KANSL1L: variants seen among roughly 807,000 people sequenced by gnomAD.
The protein encoded by KANSL1L is KAT8 regulatory NSL complex subunit 1-like protein.
Under a neutral mutation model 108.6 loss-of-function variants are expected in KANSL1L, and 25 were observed. The observed-to-expected ratio is 0.23, with a 90% CI of 0.17 to 0.32. KANSL1L has a LOEUF of 0.32. Ranked by LOEUF, KANSL1L falls within the 10% of genes least tolerant of loss-of-function variation. KANSL1L has a pLI of 1.00. For missense variants in KANSL1L, 1,137 were observed against 1,125.7 expected, an observed-to-expected ratio of 1.01 and a Z score of -0.14; for synonymous variants, 405 against 395.1, an observed-to-expected ratio of 1.03 and a Z score of -0.30.
rs752665616 is a variant in KANSL1L, at chr2:210,129,173, C to A, written c.1089-1G>T. 1.2e-6 allele frequency: 2 copies of A among 1,602,732 alleles called. No individual in the cohort carries two copies. Among genetic ancestry groups the A allele is most frequent in the Non-Finnish European group, 8.5e-7 (1 of 1,174,266 alleles). Reference sequence around the variant, plus strand: ...CCACTTCCATTCAGTACTACAGTTACTGTGAACAAAACAAACACTGTTACT... The same window carrying A: ...CCACTTCCATTCAGTACTACAGTTAATGTGAACAAAACAAACACTGTTACT... On this transcript the variant is annotated splice_acceptor_variant, in intron 2 of 14. Coordinates refer to ENST00000281772, the MANE Select transcript of KANSL1L (RefSeq NM_152519.4). LOFTEE classifies it high-confidence loss of function.
intron 6 of KANSL1L, among the ~76,000 whole-genome samples, chr2:210,049,625 G>T (rs1215051758): frequency 3.3e-5 from 5 of 152,090 alleles, no homozygotes; most frequent in Admixed American, 1.3e-4. Context: ...TCAATAAAAT[G>T]ATTTTGTTGG....
intron 3 of KANSL1L, among the ~76,000 whole-genome samples, chr2:210,111,322 T>A (rs763404670): frequency 6.6e-6 from 1 of 151,226 alleles, no homozygotes; most frequent in Admixed American, 6.6e-5. Context: ...AAAGAAAAAA[T>A]TACTTATATA....
intron 1 of KANSL1L, among the ~76,000 whole-genome samples, chr2:210,164,096 T>A (rs920746655): frequency 1.3e-5 from 2 of 152,160 alleles, no homozygotes; most frequent in Admixed American, 1.3e-4. Context: ...GACATATTTT[T>A]AAAAGAAACA....
chr2:210,028,696 G>A (rs1181065834), intron 11 of KANSL1L, 149 bp downstream of exon 11: 10 of 607,256 alleles, frequency 1.6e-5, no homozygotes, highest in South Asian at 2.2e-5. Flanking sequence ...CTTAAGGCAC[G>A]AGTAATTTTT....
intron 1 of KANSL1L, among the ~76,000 whole-genome samples, chr2:210,158,451 TGA>T (rs2095345128): frequency 6.6e-6 from 1 of 152,228 alleles, no homozygotes; most frequent in Admixed American, 6.5e-5. Flanking sequence ...AACAGCCTTA[TGA>T]GAGACCTTGA....
In KANSL1L at chr2:210,022,854, A is replaced by G. The variant is rs903574590; in HGVS notation, c.*95T>C. 2.5e-6 allele frequency: 2 copies of G among 807,858 alleles called. No homozygotes were observed. The highest frequency in any genetic ancestry group is 4.1e-6 in the Non-Finnish European group (2 of 491,750). The allele number at this position is 807,858 out of a possible 1,614,324, so 50.0% of individuals were successfully genotyped here. A position where few individuals can be genotyped will look rare whatever the true frequency, so the allele number is the denominator to read the frequency against. On this transcript the variant is annotated 3_prime_UTR_variant, in exon 15 of 15. Transcript: ENST00000281772. ...CATAAAAGATTAATACATGCAGAAC[A>G]TGCTCTTATTCTGGAGGGGATGGGG...
intron 1 of KANSL1L, among the ~76,000 whole-genome samples, chr2:210,168,897 T>G (rs1442371665): frequency 6.6e-6 from 1 of 152,160 alleles, no homozygotes; most frequent in Non-Finnish European, 1.5e-5. Flanking sequence ...GAGCACCCAC[T>G]AAGTGATCTG....
chr2:210,102,144 G>A (rs905663363), intron 4 of KANSL1L, among the ~76,000 whole-genome samples: 1 of 152,072 alleles, frequency 6.6e-6, no homozygotes, highest in South Asian at 2.1e-4. Flanking sequence ...TGTTCCACTG[G>A]TCTATATCTC....
intron 5 of KANSL1L, among the ~76,000 whole-genome samples, chr2:210,093,581 A>C (rs563439948): frequency 1.3e-5 from 2 of 152,314 alleles, no homozygotes; most frequent in South Asian, 4.1e-4. Context: ...TTAGCCTCAA[A>C]AAAAGCAGAC....
At chr2:210,043,072 C>G (rs970748022) in intron 7 of KANSL1L, among the ~76,000 whole-genome samples, 1 of 152,046 alleles carries the variant, frequency 6.6e-6, no homozygotes, top group Non-Finnish European at 1.5e-5. Flanking sequence ...CCAATATAGA[C>G]AAGAGTGTAA....
chr2:210,101,226 G>A (rs1315657441), intron 4 of KANSL1L, among the ~76,000 whole-genome samples: 1 of 152,102 alleles, frequency 6.6e-6, no homozygotes, highest in African/African-American at 2.4e-5. Context: ...TGTGCACCAG[G>A]CTGAGCGCAG....
At position 210,023,097 on chromosome 2, in the gene KANSL1L, T is replaced by C; in HGVS notation, c.2816A>G (p.Gln939Arg). 1 of 1,614,080 alleles carries C rather than the reference T, an allele frequency of 6.2e-7. No homozygotes were observed. The highest frequency in any genetic ancestry group is 8.5e-7 in the Non-Finnish European group (1 of 1,179,946). ...GAAAGCTGTGCTTGACCTTTCAACCTGATCCTTTTTTTCATCTTGACATAA... is the reference window on the plus strand; with the variant it reads ...GAAAGCTGTGCTTGACCTTTCAACCCGATCCTTTTTTTCATCTTGACATAA... ...ALLCQDEKKD[Q>R]VERSSTAFHG... Residue 939 changes from glutamine to arginine, a missense_variant, in exon 15 of 15, where the codon CAG (glutamine) becomes CGG (arginine). Physicochemically the swap from Gln to Arg is conservative, Grantham distance 43. Around this residue, in one of 3 missense-constraint regions of KANSL1L, gnomAD observed 575 missense variants for 567.1 expected, o/e 1.01. Coordinates refer to ENST00000281772, the MANE Select transcript of KANSL1L (RefSeq NM_152519.4).
Position 210,153,926 on chromosome 2 carries a change from T to C in KANSL1L, c.657A>G (p.Glu219=). ...VSSSAAEKEE[E]VHARLLHCVS... ...CACAATGAAGTAAACGAGCATGTAC[T>C]TCCTCCTCTTTTTCAGCAGCTGAAG... The change falls in exon 2 of 15, where the codon GAA becomes GAG. Residue 219 remains glutamate (E), a synonymous_variant. Transcript: ENST00000281772. 6.2e-7 allele frequency: 1 copy of C among 1,613,562 alleles called. No individual in the cohort carries two copies. The highest frequency in any genetic ancestry group is 1.3e-5 in the African/African-American group (1 of 75,048).
rs750386753 is a variant in KANSL1L at position 210,075,619 on chromosome 2, C to T, written c.1688G>A (p.Arg563Lys). 3.7e-6 allele frequency: 6 copies of T among 1,614,028 alleles called. No individual in the cohort carries two copies. The South Asian group carries it at 6.6e-5, about 18-fold the overall frequency. ...TCGTTTGTGGAAACTCTGAAGTGGCCTTGTTCGGGCTGATGTACTCATGAA... is the reference window on the plus strand; with the variant it reads ...TCGTTTGTGGAAACTCTGAAGTGGCTTTGTTCGGGCTGATGTACTCATGAA... ...LTFMSTSARTRPLQSFHKRKL... is the reference protein window; with the variant it reads ...LTFMSTSARTKPLQSFHKRKL... The change falls in exon 6 of 15, where the codon AGG (arginine) becomes AAG (lysine). Residue 563 changes from arginine to lysine, a missense_variant. By Grantham distance (26) the Arg-to-Lys change is conservative. Transcript: ENST00000281772.
chr2:210,040,367 G>T, intron 8 of KANSL1L, 53 bp downstream of exon 8: 4 of 834,308 alleles, frequency 4.8e-6, no homozygotes, highest in Non-Finnish European at 6.1e-6. Context: ...AAAATAGTAA[G>T]TATAAAGACA....
At chr2:210,053,178 T>C (rs1046729171) in intron 6 of KANSL1L, among the ~76,000 whole-genome samples, 3 of 152,224 alleles carry the variant, frequency 2.0e-5, no homozygotes, top group African/African-American at 7.2e-5. Flanking sequence ...TTTAAAGGCC[T>C]GAAGGGAAGA....
chr2:210,098,345 C>T, intron 4 of KANSL1L, 138 bp from the exon 5 acceptor site: 1 of 713,672 alleles, frequency 1.4e-6, no homozygotes. Flanking sequence ...TTGACAAAGA[C>T]AATTTATACA....
chr2:210,139,944 T>C (rs1316272197), intron 2 of KANSL1L, among the ~76,000 whole-genome samples: 6 of 152,122 alleles, frequency 3.9e-5, no homozygotes, highest in South Asian at 2.1e-4. Context: ...GGTTTTGACA[T>C]GTTACCCAAG....
chr2:210,025,207 G>A lies in KANSL1L; in HGVS notation c.2461C>T (p.Leu821Phe). The A allele has an allele frequency of 6.5e-7, 1 of 1,549,292 alleles. No individual in the cohort carries two copies. Among genetic ancestry groups the A allele is most frequent in the South Asian group, 1.1e-5 (1 of 89,816 alleles). Residue 821 changes from leucine to phenylalanine, a missense_variant, in exon 13 of 15, where the codon CTT (leucine) becomes TTT (phenylalanine). By Grantham distance (22) the Leu-to-Phe change is conservative. Coordinates refer to ENST00000281772, the MANE Select transcript of KANSL1L (RefSeq NM_152519.4). ...CTTAGGGAGAAGACTTCATCAGAAA[G>A]ATCTTCTATCTGGAATTAGAAATAA... ...YNLGKEEIEDLSDEVFSLRHK... is the reference protein window; with the variant it reads ...YNLGKEEIEDFSDEVFSLRHK...
Sources: gnomAD v4.1 joint callset for allele counts (sites outside exome capture counted in the v4.1 genomes callset) on GRCh38, gnomAD v4.1.1 for gene constraint, gnomAD v4.1.1 regional missense constraint, MANE v1.5 for transcripts, NCBI Gene and HGNC (gene_info 2026-07-23, HGNC 2026-07-21) for gene names.